Variants in GABRG3 observed in about 807,000 individuals in gnomAD.
GABRG3 encodes the protein gamma-aminobutyric acid receptor subunit gamma-3.
Under a neutral mutation model 48.8 loss-of-function variants are expected in GABRG3, and 25 were observed. That is an observed-to-expected ratio of 0.51 (90% confidence interval 0.37 to 0.72). The LOEUF is 0.72. GABRG3 is among the 30% of genes least tolerant of loss of function. The probability of loss-of-function intolerance (pLI) is 0.00; values close to 1 mark genes in which losing one functional copy is unlikely to be tolerated. For missense variants in GABRG3, 394 were observed against 577.9 expected (o/e 0.68, Z 3.26); for synonymous variants, 227 against 217.6 (o/e 1.04, Z -0.38).
At position 26,971,359 on chromosome 15, in the gene GABRG3, C is replaced by G. The variant is rs544530185; in HGVS notation, c.-177C>G. 2.9e-5 allele frequency: 11 copies of G among 382,222 alleles called. No individual in the cohort carries two copies. Among genetic ancestry groups the G allele is most frequent in the African/African-American group, 2.3e-4 (11 of 47,202 alleles). The allele number at this position is 382,222 out of a possible 1,614,324, so 23.7% of individuals were successfully genotyped here. A position where few individuals can be genotyped will look rare whatever the true frequency, so the allele number is the denominator to read the frequency against. On this transcript the variant is annotated 5_prime_UTR_variant, in exon 1 of 10. Coordinates refer to ENST00000615808, the MANE Select transcript of GABRG3 (RefSeq NM_033223.5). ...CGGTGGCCCGGCGTCCCGTGTGCGTCCAGTGTGCGCCCCGCGGGGGCGCGG... is the reference window on the plus strand; with the variant it reads ...CGGTGGCCCGGCGTCCCGTGTGCGTGCAGTGTGCGCCCCGCGGGGGCGCGG...
chr15:27,108,679 A>G (rs1897492937), intron 3 of GABRG3, among the ~76,000 whole-genome samples: 1 of 152,174 alleles, frequency 6.6e-6, no homozygotes, highest in South Asian at 2.1e-4. Flanking sequence ...AGTCGAATCT[A>G]CCTAGAATAG....
At chr15:27,248,801 C>G (rs4013140) in intron 3 of GABRG3, among the ~76,000 whole-genome samples, 40,067 of 114,064 alleles carry the variant, frequency 0.35, 7,049 homozygotes, top group Non-Finnish European at 0.4. Context: ...CACACACACA[C>G]ACAGAGAGAG....
intron 2 of GABRG3, among the ~76,000 whole-genome samples, chr15:27,007,867 C>G (rs1047519444): frequency 4.6e-5 from 7 of 152,086 alleles, no homozygotes; most frequent in African/African-American, 1.7e-4. Flanking sequence ...GTTGTTTACT[C>G]TGTTGATAGT....
chr15:27,226,174 G>T (rs1010756318), intron 3 of GABRG3, among the ~76,000 whole-genome samples: 11 of 152,060 alleles, frequency 7.2e-5, no homozygotes, highest in South Asian at 4.2e-4. Context: ...GAGCGCCCAG[G>T]GATGAGGACC....
intron 5 of GABRG3, among the ~76,000 whole-genome samples, chr15:27,433,034 A>G (rs1264136010): frequency 6.6e-6 from 1 of 152,188 alleles, no homozygotes; most frequent in Non-Finnish European, 1.5e-5. Context: ...TGATTTATGT[A>G]TACTCCAAGA....
intron 3 of GABRG3, among the ~76,000 whole-genome samples, chr15:27,234,445 C>T (rs1457518868): frequency 6.6e-6 from 1 of 152,178 alleles, no homozygotes; most frequent in African/African-American, 2.4e-5. Flanking sequence ...ATAACACTTC[C>T]TTGCTAAGGT....
intron 3 of GABRG3, among the ~76,000 whole-genome samples, chr15:27,254,411 G>A (rs1203753600): frequency 6.6e-6 from 1 of 152,066 alleles, no homozygotes; most frequent in Non-Finnish European, 1.5e-5. Flanking sequence ...TAAGGGAGTT[G>A]CATTTTCTAG....
chr15:27,138,893 GT>G (rs951392843), intron 3 of GABRG3, among the ~76,000 whole-genome samples: 3 of 152,198 alleles, frequency 2.0e-5, no homozygotes, highest in Admixed American at 6.5e-5. Flanking sequence ...GGATAGAAAT[GT>G]TTTTTTCTCA....
At chr15:27,284,404 A>T (rs1297970452) in intron 3 of GABRG3, among the ~76,000 whole-genome samples, 1 of 152,230 alleles carries the variant, frequency 6.6e-6, no homozygotes, top group African/African-American at 2.4e-5. Context: ...GGCATGAAAA[A>T]ATAGAAACAG....
intron 2 of GABRG3, among the ~76,000 whole-genome samples, chr15:27,003,984 A>G (rs1341133908): frequency 1.5e-5 from 2 of 130,036 alleles, no homozygotes; most frequent in African/African-American, 6.0e-5. Context: ...CGGGGGGCTG[A>G]CCCCCCACCT....
intron 3 of GABRG3, among the ~76,000 whole-genome samples, chr15:27,241,681 G>A (rs1057268363): frequency 5.3e-5 from 8 of 152,182 alleles, no homozygotes; most frequent in Admixed American, 1.3e-4. Context: ...CACATCAGCC[G>A]CTATTCTAGT....
chr15:27,255,692 C>T (rs1890589766), intron 3 of GABRG3, among the ~76,000 whole-genome samples: 1 of 152,112 alleles, frequency 6.6e-6, no homozygotes, highest in South Asian at 2.1e-4. Flanking sequence ...TCACATGCAT[C>T]CTCCCAGACC....
At chr15:26,995,493 T>TC (rs1225841983) in intron 2 of GABRG3, among the ~76,000 whole-genome samples, 1 of 151,976 alleles carries the variant, frequency 6.6e-6, no homozygotes, top group Non-Finnish European at 1.5e-5. Context: ...TGCTTTTTTT[T>TC]CTCTATGTGT....
chr15:27,409,032 C>CT (rs897850469), intron 5 of GABRG3, among the ~76,000 whole-genome samples: 386 of 151,212 alleles, frequency 2.6e-3, no homozygotes, highest in African/African-American at 8.6e-3. Context: ...CTTTCTGGTC[C>CT]TTTTTTTTTC....
At chr15:27,404,799 CCT>C (rs1177636403) in intron 5 of GABRG3, among the ~76,000 whole-genome samples, 1 of 152,132 alleles carries the variant, frequency 6.6e-6, no homozygotes, top group African/African-American at 2.4e-5. Flanking sequence ...GCATAAGTGT[CCT>C]CTTCTGACTC....
chr15:27,022,876 G>T (rs1237484812), intron 2 of GABRG3, among the ~76,000 whole-genome samples: 1 of 152,116 alleles, frequency 6.6e-6, no homozygotes, highest in Non-Finnish European at 1.5e-5. Flanking sequence ...CCAAGCAAAG[G>T]TCTGCTTTAG....
At chr15:27,423,185 C>A (rs1321322018) in intron 5 of GABRG3, among the ~76,000 whole-genome samples, 9 of 133,382 alleles carry the variant, frequency 6.7e-5, no homozygotes, top group African/African-American at 2.0e-4. Flanking sequence ...TCCTGACAAG[C>A]TGGAATGGCA....
intron 5 of GABRG3, among the ~76,000 whole-genome samples, chr15:27,390,094 A>T (rs1156321984): frequency 6.6e-6 from 1 of 152,244 alleles, no homozygotes; most frequent in Non-Finnish European, 1.5e-5. Context: ...TATTTGTTTC[A>T]ACTTTTAAAA....
chr15:27,446,658 G>A (rs529945224), intron 5 of GABRG3, among the ~76,000 whole-genome samples: 64 of 152,110 alleles, frequency 4.2e-4, no homozygotes, highest in African/African-American at 1.4e-3. Flanking sequence ...AACTGGAATT[G>A]TTTTCTTAAT....
Sources: gnomAD v4.1 joint callset for allele counts (sites outside exome capture counted in the v4.1 genomes callset) on GRCh38, gnomAD v4.1.1 for gene constraint, MANE v1.5 for transcripts, NCBI Gene and HGNC (gene_info 2026-07-23, HGNC 2026-07-21) for gene names.